The following RSPRY1 variants were observed in gnomAD, a reference collection of about 807,000 sequenced individuals.
RSPRY1 encodes the protein RING finger and SPRY domain-containing protein 1.
A neutral mutation model predicts 73.1 loss-of-function variants in RSPRY1; 23 were observed. That is an observed-to-expected ratio of 0.31 (90% CI 0.23 to 0.45). The LOEUF is 0.45. Among genes scored for constraint, RSPRY1 ranks in the 20% least tolerant of loss-of-function variants. The pLI is 1.00. For missense variants in RSPRY1, 448 were observed against 698.7 expected (o/e 0.64, Z 4.05); for synonymous variants, 226 against 251.4 (o/e 0.90, Z 0.95).
chr16:57,186,276 G>A (rs184410912), upstream of RSPRY1: 31 of 665,804 alleles, frequency 4.7e-5, 1 homozygote, highest in East Asian at 3.7e-3. Context: ...CCGAGGAAGG[G>A]GCGTTTCCTA....
At position 57,238,867 on chromosome 16, in the gene RSPRY1, G is replaced by A. The variant is rs776469496; in HGVS notation, c.1635-12G>A. The A allele has an allele frequency of 6.5e-7, 1 of 1,529,888 alleles. No homozygotes were observed. The highest frequency in any genetic ancestry group is 8.8e-7 in the Non-Finnish European group (1 of 1,134,008). The allele number at this position is 1,529,888 out of a possible 1,614,324, so 94.8% of individuals were successfully genotyped here. On this transcript the variant is annotated splice_polypyrimidine_tract_variant and intron_variant, in intron 14 of 14. Transcript: ENST00000394420. ...GCATTAACTTGACTGACTTTTCTGT[G>A]TTTCTCCCCAGTGACCTGTGCATGG...
intron 1 of RSPRY1, chr16:57,186,849 G>A (rs1322208211): frequency 6.6e-6 from 1 of 152,300 alleles, no homozygotes; most frequent in Non-Finnish European, 1.5e-5. Context: ...GACCTACTCA[G>A]GGGTGCCCGG....
At chr16:57,188,463 G>A (rs2074290872) in intron 1 of RSPRY1, among the ~76,000 whole-genome samples, 1 of 152,126 alleles carries the variant, frequency 6.6e-6, no homozygotes, top group Non-Finnish European at 1.5e-5. Flanking sequence ...TCCAAATATC[G>A]GGCAATTTAT....
At chr16:57,196,034 A>T (rs10153103) in intron 1 of RSPRY1, among the ~76,000 whole-genome samples, 11,500 of 122,596 alleles carry the variant, frequency 0.094, 592 homozygotes, top group Non-Finnish European at 0.11. Flanking sequence ...AAAAAAAAAA[A>T]ATATATATAT....
intron 1 of RSPRY1, among the ~76,000 whole-genome samples, chr16:57,201,840 T>A (rs1401113713): frequency 1.3e-5 from 2 of 152,072 alleles, no homozygotes; most frequent in African/African-American, 2.4e-5. Flanking sequence ...GCGCCTGCAA[T>A]CGCAGGCACT....
chr16:57,220,723 C>G lies in RSPRY1; in HGVS notation c.902-9C>G, dbSNP rs141427328. 1.3e-6 allele frequency: 2 copies of G among 1,580,866 alleles called. No individual in the cohort carries two copies. The highest frequency in any genetic ancestry group is 1.7e-6 in the Non-Finnish European group (2 of 1,150,066). On this transcript the variant is annotated splice_polypyrimidine_tract_variant and intron_variant, in intron 8 of 14. Coordinates refer to ENST00000394420, the MANE Select transcript of RSPRY1 (RefSeq NM_133368.3). ...TGCCTTAGAAACATGAACACTCTTTCTTTTGCAGTTTTAAAAGAAGGTAGA... is the reference window on the plus strand; with the variant it reads ...TGCCTTAGAAACATGAACACTCTTTGTTTTGCAGTTTTAAAAGAAGGTAGA...
intron 1 of RSPRY1, among the ~76,000 whole-genome samples, chr16:57,191,081 T>C (rs939211603): frequency 6.6e-6 from 1 of 152,220 alleles, no homozygotes; most frequent in African/African-American, 2.4e-5. Context: ...ATAGGTCCTA[T>C]GTACCTCAAA....
intron 11 of RSPRY1, among the ~76,000 whole-genome samples, chr16:57,230,356 C>G (rs895020896): frequency 2.6e-5 from 4 of 152,132 alleles, no homozygotes. Context: ...GGGTAGTTAT[C>G]TAGGGAATTA....
chr16:57,217,128 G>A, intron 8 of RSPRY1, 93 bp downstream of exon 8: 1 of 1,417,494 alleles, frequency 7.1e-7, no homozygotes, highest in Admixed American at 1.7e-5. Context: ...GCAATGGTAA[G>A]TATGAGTCCT....
At chr16:57,193,337 A>T (rs1446791754) in intron 1 of RSPRY1, among the ~76,000 whole-genome samples, 4 of 152,234 alleles carry the variant, frequency 2.6e-5, no homozygotes, top group Admixed American at 1.3e-4. Flanking sequence ...CTAAAGACAG[A>T]AACACTCTTG....
intron 2 of RSPRY1, among the ~76,000 whole-genome samples, chr16:57,207,291 G>T (rs1287199459): frequency 6.6e-6 from 1 of 150,718 alleles, no homozygotes; most frequent in Non-Finnish European, 1.5e-5. Flanking sequence ...TTATTCTCTG[G>T]ATTAAATGAC....
chr16:57,195,442 A>T (rs775105854), intron 1 of RSPRY1, among the ~76,000 whole-genome samples: 1 of 151,984 alleles, frequency 6.6e-6, no homozygotes, highest in Non-Finnish European at 1.5e-5. Context: ...AACCGGGGAG[A>T]TGGAGGTTGC....
At chr16:57,194,019 T>A (rs949735684) in intron 1 of RSPRY1, among the ~76,000 whole-genome samples, 2 of 151,796 alleles carry the variant, frequency 1.3e-5, no homozygotes, top group Non-Finnish European at 2.9e-5. Flanking sequence ...TAAACTGGGA[T>A]CACACCAGTG....
intron 6 of RSPRY1, among the ~76,000 whole-genome samples, 172 bp from the exon 7 acceptor site, chr16:57,215,935 A>G (rs1011299839): frequency 3.9e-5 from 6 of 152,222 alleles, no homozygotes; most frequent in Admixed American, 3.3e-4. Context: ...TGTCCAGTTC[A>G]TTACTAACAT....
chr16:57,223,204 A>T (rs186775832), intron 10 of RSPRY1, among the ~76,000 whole-genome samples: 1 of 152,192 alleles, frequency 6.6e-6, no homozygotes, highest in African/African-American at 2.4e-5. Flanking sequence ...CTTTTTGCCT[A>T]TTCAGACAGG....
rs774109690 is a variant in RSPRY1, at chr16:57,221,332, G to T, written c.1078G>T (p.Val360Leu). The change falls in exon 10 of 15, where the codon GTA becomes TTA. Residue 360 changes from valine (V) to leucine (L), a missense_variant. Val to Leu is a conservative substitution (Grantham distance 32). Transcript: ENST00000394420. ...VRCTFCVDAG[V>L]WYYEVTVVTS... ...TTGCACCTTTTGTGTGGATGCCGGG[G>T]TATGGTACTATGAAGTAACAGTGGT... is the stretch of plus-strand genomic sequence containing the variant. 1.1e-5 allele frequency: 18 copies of T among 1,614,008 alleles called. No individual in the cohort carries two copies. Among genetic ancestry groups the T allele is most frequent in the Non-Finnish European group, 1.5e-5 (18 of 1,180,044 alleles).
Position 57,230,824 on chromosome 16 carries a change from C to CAG in RSPRY1, c.1376+11_1376+12insAG. The CAG allele has an allele frequency of 5.3e-6, 8 of 1,511,978 alleles. No individual in the cohort carries two copies. Among genetic ancestry groups the CAG allele is most frequent in the Non-Finnish European group, 6.4e-6 (7 of 1,090,648 alleles). The allele number at this position is 1,511,978 out of a possible 1,614,324, so 93.7% of individuals were successfully genotyped here. Reference sequence around the variant, plus strand: ...CTTTTCATCTACTGTGTAAGTAGCTCTTCTCAGTCAAAAATTCGAGTAGAT... The same window carrying CAG: ...CTTTTCATCTACTGTGTAAGTAGCTCAGTTCTCAGTCAAAAATTCGAGTAGAT... On this transcript the variant is annotated intron_variant, in intron 12 of 14. Transcript: ENST00000394420.
intron 4 of RSPRY1, 40 bp downstream of exon 4, chr16:57,209,227 C>T (rs1283337199): frequency 3.0e-6 from 4 of 1,314,142 alleles, no homozygotes; most frequent in Non-Finnish European, 4.4e-6. Flanking sequence ...ATCATTTGTG[C>T]TTAAGCACAA....
intron 1 of RSPRY1, among the ~76,000 whole-genome samples, chr16:57,200,842 C>T (rs536265445): frequency 6.6e-5 from 9 of 135,598 alleles, no homozygotes. Context: ...CAGAGGCGCC[C>T]CTCACCTCCC....
Sources: gnomAD v4.1 joint callset for allele counts (sites outside exome capture counted in the v4.1 genomes callset) on GRCh38, gnomAD v4.1.1 for gene constraint, MANE v1.5 for transcripts, NCBI Gene and HGNC (gene_info 2026-07-23, HGNC 2026-07-21) for gene names.